The following SH3PXD2A variants were observed in gnomAD, a reference collection of about 807,000 sequenced individuals.
SH3PXD2A encodes SH3 and PX domains 2A.
A neutral mutation model predicts 115.2 loss-of-function variants in SH3PXD2A; 32 were observed. The observed-to-expected ratio is 0.28, with a 90% CI of 0.21 to 0.37. The LOEUF (loss-of-function observed/expected upper bound fraction) is 0.37. SH3PXD2A is among the 10% of genes least tolerant of loss of function. SH3PXD2A has a pLI of 1.00. For synonymous variants in SH3PXD2A, 610 were observed against 629.1 expected, an observed-to-expected ratio of 0.97 and a Z score of 0.45; for missense variants, 1,328 against 1,498.7, an observed-to-expected ratio of 0.89 and a Z score of 1.88.
chr10:103,632,704 G>A (rs2036798628), intron 8 of SH3PXD2A, among the ~76,000 whole-genome samples: 3 of 152,202 alleles, frequency 2.0e-5, no homozygotes, highest in Admixed American at 1.3e-4. Context: ...GGCCGGGCGC[G>A]GTGGCTCACA....
intron 7 of SH3PXD2A, among the ~76,000 whole-genome samples, chr10:103,662,753 G>T (rs1338094377): frequency 6.6e-6 from 1 of 152,106 alleles, no homozygotes; most frequent in Non-Finnish European, 1.5e-5. Flanking sequence ...AAATGGACTA[G>T]TCACCTCCTA....
intron 6 of SH3PXD2A, among the ~76,000 whole-genome samples, chr10:103,689,332 T>A (rs758779461): frequency 3.3e-5 from 5 of 152,108 alleles, no homozygotes; most frequent in Non-Finnish European, 7.4e-5. Context: ...AGACAGTTGG[T>A]TCTGCAGCTC....
chr10:103,846,980 G>T (rs886158581), intron 1 of SH3PXD2A, among the ~76,000 whole-genome samples: 10 of 152,216 alleles, frequency 6.6e-5, no homozygotes, highest in African/African-American at 2.4e-4. Flanking sequence ...TACATGCTGC[G>T]TGGGGCTGTT....
intron 1 of SH3PXD2A, among the ~76,000 whole-genome samples, chr10:103,845,957 G>A (rs905025100): frequency 9.9e-5 from 15 of 152,192 alleles, no homozygotes; most frequent in African/African-American, 3.6e-4. Context: ...CTCAACATGG[G>A]GCATTACTTC....
At chr10:103,653,667 C>CA (rs2037164941) in intron 8 of SH3PXD2A, among the ~76,000 whole-genome samples, 1 of 152,190 alleles carries the variant, frequency 6.6e-6, no homozygotes, top group Admixed American at 6.5e-5. Flanking sequence ...CTCACTGCCC[C>CA]ACCTGCCTGC....
intron 1 of SH3PXD2A, among the ~76,000 whole-genome samples, chr10:103,853,057 A>T (rs1277255023): frequency 6.6e-6 from 1 of 152,162 alleles, no homozygotes. Context: ...CCAGAACTCT[A>T]GTTCAGAACT....
intron 8 of SH3PXD2A, among the ~76,000 whole-genome samples, chr10:103,652,268 C>T (rs2863993): frequency 0.39 from 59,458 of 152,088 alleles, 11,695 homozygotes; most frequent in Middle Eastern, 0.42. Flanking sequence ...CAGAAGCTTC[C>T]GTCAGTTTCC....
intron 6 of SH3PXD2A, among the ~76,000 whole-genome samples, chr10:103,683,654 C>T (rs891036417): frequency 1.3e-5 from 2 of 152,090 alleles, no homozygotes; most frequent in Non-Finnish European, 2.9e-5. Context: ...TAAGTAAGAC[C>T]CCATGTTAAA....
At chr10:103,633,930 C>G (rs1186765469) in intron 8 of SH3PXD2A, among the ~76,000 whole-genome samples, 1 of 152,072 alleles carries the variant, frequency 6.6e-6, no homozygotes, top group Non-Finnish European at 1.5e-5. Flanking sequence ...CAGAGACAAC[C>G]CTGGGCACAT....
chr10:103,637,164 T>A (rs536742699), intron 8 of SH3PXD2A, among the ~76,000 whole-genome samples: 3 of 152,330 alleles, frequency 2.0e-5, no homozygotes, highest in African/African-American at 7.2e-5. Context: ...CACCCAGGCA[T>A]GGCACACGCG....
At chr10:103,801,551 A>ACACACACC (rs2134264521) in intron 1 of SH3PXD2A, among the ~76,000 whole-genome samples, 189 bp from the exon 2 acceptor site, 1 of 151,900 alleles carries the variant, frequency 6.6e-6, no homozygotes, top group East Asian at 1.9e-4. Flanking sequence ...ATACACACAC[A>ACACACACC]CACACACACA....
chr10:103,852,907 G>A (rs1842909404), intron 1 of SH3PXD2A, among the ~76,000 whole-genome samples: 1 of 152,220 alleles, frequency 6.6e-6, no homozygotes, highest in South Asian at 2.1e-4. Context: ...GCTGTGAGCA[G>A]CTGTGTTGCA....
At chr10:103,634,834 T>C (rs1288328847) in intron 8 of SH3PXD2A, among the ~76,000 whole-genome samples, 5 of 152,296 alleles carry the variant, frequency 3.3e-5, no homozygotes, top group Non-Finnish European at 5.9e-5. Flanking sequence ...GGAAAGTTAC[T>C]AGACCTTTCT....
intron 1 of SH3PXD2A, among the ~76,000 whole-genome samples, chr10:103,842,764 G>C (rs957371769): frequency 1.3e-5 from 2 of 152,152 alleles, no homozygotes; most frequent in African/African-American, 4.8e-5. Context: ...TCCCACACCA[G>C]AATGTAAGCT....
At chr10:103,662,752 A>C (rs2037332551) in intron 7 of SH3PXD2A, among the ~76,000 whole-genome samples, 1 of 152,136 alleles carries the variant, frequency 6.6e-6, no homozygotes, top group Admixed American at 6.5e-5. Context: ...GAAATGGACT[A>C]GTCACCTCCT....
intron 2 of SH3PXD2A, among the ~76,000 whole-genome samples, chr10:103,800,324 C>A (rs1275464302): frequency 1.3e-5 from 2 of 152,200 alleles, no homozygotes; most frequent in Non-Finnish European, 2.9e-5. Flanking sequence ...GCATCTGACC[C>A]AAGCCAGACC....
intron 1 of SH3PXD2A, among the ~76,000 whole-genome samples, chr10:103,819,835 A>AG (rs1022477784): frequency 8.6e-5 from 13 of 151,682 alleles, no homozygotes; most frequent in African/African-American, 2.9e-4. Context: ...TCCCTAGAGG[A>AG]GGGGGGGAGA....
intron 3 of SH3PXD2A, among the ~76,000 whole-genome samples, chr10:103,762,425 A>G (rs2038710118): frequency 6.6e-6 from 1 of 152,208 alleles, no homozygotes; most frequent in Admixed American, 6.5e-5. Context: ...GGCCAGCAAA[A>G]GAGATGGGTG....
rs1368437520 is a variant in SH3PXD2A, at chr10:103,788,970, G to A, written c.153+12312C>T. ...AGGAAGCTGAGGTCCAGCCTGGGGCGGGGGCTGCTGATGAGGGAATCAATG... is the reference window on the plus strand; with the variant it reads ...AGGAAGCTGAGGTCCAGCCTGGGGCAGGGGCTGCTGATGAGGGAATCAATG... On this transcript the variant is annotated intron_variant, in intron 2 of 14. Transcript: ENST00000369774. Among the ~76,000 whole-genome samples the A allele has an allele frequency of 3.3e-5, 5 of 152,150 alleles. No homozygotes were observed. In the South Asian group the frequency reaches 6.2e-4, roughly 19 times the overall value.
Sources: gnomAD v4.1 joint callset for allele counts (sites outside exome capture counted in the v4.1 genomes callset) on GRCh38, gnomAD v4.1.1 for gene constraint, MANE v1.5 for transcripts, NCBI Gene and HGNC (gene_info 2026-07-23, HGNC 2026-07-21) for gene names.